Variants in RANBP9 observed in about 807,000 individuals in gnomAD.
RANBP9 encodes the protein ran-binding protein 9.
Under a neutral mutation model 84.3 loss-of-function variants are expected in RANBP9, and 15 were observed. That is an observed-to-expected ratio of 0.18 (90% CI 0.12 to 0.27). RANBP9 has a LOEUF of 0.27. Among genes scored for constraint, RANBP9 ranks in the 10% least tolerant of loss-of-function variants. The pLI, the probability that RANBP9 is intolerant of heterozygous loss-of-function variation, is 1.00. For missense variants in RANBP9, 809 were observed against 912.8 expected (o/e 0.89, Z 1.46); for synonymous variants, 392 against 349.6 (o/e 1.12, Z -1.35).
rs1716899831 is a variant in RANBP9, at chr6:13,639,700, A to G, written c.1388T>C (p.Leu463Ser). 1.2e-6 allele frequency: 2 copies of G among 1,614,034 alleles called. No homozygotes were observed. Among genetic ancestry groups the G allele is most frequent in the East Asian group, 2.2e-5 (1 of 44,886 alleles). The change falls in exon 9 of 14, where the codon TTG becomes TCG. Residue 463 changes from leucine to serine, a missense_variant. Leu to Ser is a moderately radical substitution (Grantham distance 145, BLOSUM62 -2). Transcript: ENST00000011619. ...TTGAGACTTTGGACTTCGGCCTCCC[A>G]AACATCGTACTTCACTATCTGTACC... Reference protein sequence around the residue: ...VNGTDSEVRCLGGRSPKSQDS... With the variant: ...VNGTDSEVRCSGGRSPKSQDS...
rs369865508 is a variant in RANBP9 at position 13,644,535 on chromosome 6, T to G, written c.1112+10A>C. On this transcript the variant is annotated intron_variant, in intron 6 of 13. Coordinates refer to ENST00000011619, the MANE Select transcript of RANBP9 (RefSeq NM_005493.3). ...CTGAATAGCATCAATTGAAATTTCT[T>G]CACTCTTACTTTTGTATCATGGTCT... 16 of 1,604,196 alleles carry G rather than the reference T, an allele frequency of 1.0e-5. No individual in the cohort carries two copies. The highest frequency in any genetic ancestry group is 1.4e-5 in the Non-Finnish European group (16 of 1,175,344).
chr6:13,645,397 G>C (rs1765157802), intron 5 of RANBP9, among the ~76,000 whole-genome samples: 1 of 151,972 alleles, frequency 6.6e-6, no homozygotes. Flanking sequence ...AATGCATTCA[G>C]GTACACTCCA....
intron 2 of RANBP9, among the ~76,000 whole-genome samples, chr6:13,692,180 G>A (rs1341245311): frequency 1.3e-5 from 2 of 151,902 alleles, no homozygotes; most frequent in African/African-American, 2.4e-5. Flanking sequence ...AAAAACAATG[G>A]GCTGGGCCTA....
At chr6:13,692,693 A>G (rs1766355757) in intron 2 of RANBP9, among the ~76,000 whole-genome samples, 1 of 152,086 alleles carries the variant, frequency 6.6e-6, no homozygotes, top group Non-Finnish European at 1.5e-5. Context: ...CTCTACCAAA[A>G]ATACAAAAAT....
intron 2 of RANBP9, among the ~76,000 whole-genome samples, chr6:13,671,004 C>T (rs1180080341): frequency 6.6e-6 from 1 of 152,024 alleles, no homozygotes; most frequent in Non-Finnish European, 1.5e-5. Flanking sequence ...CCTACTAAAA[C>T]AATGGGCAAA....
intron 8 of RANBP9, among the ~76,000 whole-genome samples, chr6:13,640,165 C>A (rs1765031949): frequency 6.6e-6 from 1 of 152,124 alleles, no homozygotes; most frequent in South Asian, 2.1e-4. Context: ...CGTCCCATTC[C>A]CAACCTCTTA....
chr6:13,639,536 A>C, intron 9 of RANBP9, 27 bp downstream of exon 9: 1 of 1,563,300 alleles, frequency 6.4e-7, no homozygotes, highest in East Asian at 2.2e-5. Context: ...GAAAAATCTA[A>C]AAATAATGTC....
At chr6:13,696,653 T>A (rs1157083862) in intron 2 of RANBP9, 132 bp downstream of exon 2, 1 of 672,524 alleles carries the variant, frequency 1.5e-6, no homozygotes, top group Admixed American at 3.0e-5. Flanking sequence ...CAATCTGTTA[T>A]ACTGAAATAT....
chr6:13,663,700 G>A (rs1210640192), intron 2 of RANBP9, among the ~76,000 whole-genome samples: 1 of 151,860 alleles, frequency 6.6e-6, no homozygotes, highest in Non-Finnish European at 1.5e-5. Flanking sequence ...GTATCAAAAC[G>A]ATAACATATG....
intron 12 of RANBP9, among the ~76,000 whole-genome samples, chr6:13,630,295 G>T (rs937629628): frequency 2.0e-5 from 3 of 152,114 alleles, no homozygotes; most frequent in African/African-American, 7.2e-5. Context: ...AAATAAAGAT[G>T]ATACATCTTC....
chr6:13,659,112 G>A (rs1423923782), intron 2 of RANBP9, among the ~76,000 whole-genome samples: 5 of 151,746 alleles, frequency 3.3e-5, no homozygotes, highest in African/African-American at 9.7e-5. Flanking sequence ...AAAAAATCTC[G>A]CCAACTTATT....
chr6:13,706,276 G>A (rs1758119112), intron 1 of RANBP9, among the ~76,000 whole-genome samples: 1 of 152,196 alleles, frequency 6.6e-6, no homozygotes, highest in African/African-American at 2.4e-5. Context: ...CGCGGGAGGC[G>A]GAGCTTGCAG....
chr6:13,624,479 G>C (rs1253094596), intron 13 of RANBP9, among the ~76,000 whole-genome samples: 1 of 151,978 alleles, frequency 6.6e-6, no homozygotes, highest in African/African-American at 2.4e-5. Flanking sequence ...CAATTACCTG[G>C]GAATTAGACT....
chr6:13,666,556 G>T (rs750898635), intron 2 of RANBP9, among the ~76,000 whole-genome samples: 2 of 135,456 alleles, frequency 1.5e-5, no homozygotes, highest in African/African-American at 5.6e-5. Context: ...TGAGAGAAGC[G>T]CTTGAGTCCA....
intron 7 of RANBP9, among the ~76,000 whole-genome samples, chr6:13,641,809 G>T (rs1297362502): frequency 6.6e-6 from 1 of 152,088 alleles, no homozygotes; most frequent in Non-Finnish European, 1.5e-5. Context: ...AGTAGAAAAG[G>T]ACAGCACACA....
At position 13,711,545 on chromosome 6, in the gene RANBP9, T is replaced by C. The variant is rs771693252; in HGVS notation, c.-40A>G. On this transcript the variant is annotated 5_prime_UTR_variant, in exon 1 of 14. Transcript: ENST00000011619. ...AGCCTGCGGCCACCTCCACCTCTTC[T>C]CTCCTTCCTCCTCTGCTTCCCGGGG... 4 of 1,237,098 alleles carry C rather than the reference T, an allele frequency of 3.2e-6. No homozygotes were observed. The highest frequency in any genetic ancestry group is 3.0e-6 in the Non-Finnish European group (3 of 984,972). The allele number at this position is 1,237,098 out of a possible 1,614,324, so 76.6% of individuals were successfully genotyped here. A position where few individuals can be genotyped will look rare whatever the true frequency, so the allele number is the denominator to read the frequency against.
In RANBP9 at chr6:13,644,801, T is replaced by C. The variant is rs1765145029; in HGVS notation, c.928-72A>G. 3 of 1,191,086 alleles carry C rather than the reference T, an allele frequency of 2.5e-6. No individual in the cohort carries two copies. In the African/African-American group the frequency reaches 4.8e-5, roughly 19 times the overall value. The allele number at this position is 1,191,086 out of a possible 1,614,324, so 73.8% of individuals were successfully genotyped here. ...ATTTAATAATTCTTTTAATGTTACA[T>C]TTAAAAGAATAGAACTATAAATTTA... On this transcript the variant is annotated intron_variant, in intron 5 of 13. Coordinates refer to ENST00000011619, the MANE Select transcript of RANBP9 (RefSeq NM_005493.3).
chr6:13,668,611 A>T (rs1429387675), intron 2 of RANBP9, among the ~76,000 whole-genome samples: 1 of 152,118 alleles, frequency 6.6e-6, no homozygotes, highest in Non-Finnish European at 1.5e-5. Context: ...TAAAGAACAA[A>T]ATCCATATAA....
At chr6:13,629,163 T>C (rs917003222) in intron 12 of RANBP9, among the ~76,000 whole-genome samples, 3 of 152,190 alleles carry the variant, frequency 2.0e-5, no homozygotes, top group Admixed American at 6.5e-5. Flanking sequence ...CAGGCTGCAG[T>C]GCAGTGGTGC....
Sources: allele counts gnomAD v4.1 joint callset (sites outside exome capture counted in the v4.1 genomes callset), GRCh38; gene constraint gnomAD v4.1.1; transcripts MANE v1.5; gene names NCBI Gene and HGNC (gene_info 2026-07-23, HGNC 2026-07-21).